Variants in DMGDH observed in about 807,000 individuals in gnomAD.
DMGDH encodes the protein dimethylglycine dehydrogenase, also known as dimethylglycine dehydrogenase, mitochondrial.
In DMGDH, 76 loss-of-function variants were observed where a neutral mutation model predicts 95.2. That is an observed-to-expected ratio of 0.80 (90% CI 0.66 to 0.97). The LOEUF (loss-of-function observed/expected upper bound fraction) is 0.97, where lower values mean the gene tolerates loss of function less well. Ranked by LOEUF, DMGDH falls within the 50% of genes least tolerant of loss-of-function variation. DMGDH has a pLI of 0.00. For synonymous variants in DMGDH, 345 were observed against 377.6 expected, an observed-to-expected ratio of 0.91 and a Z score of 1.00; for missense variants, 987 against 1,055.0, an observed-to-expected ratio of 0.94 and a Z score of 0.89.
chr5:79,023,499 A>G (rs1385734431), intron 14 of DMGDH, among the ~76,000 whole-genome samples: 2 of 152,176 alleles, frequency 1.3e-5, no homozygotes, highest in Admixed American at 1.3e-4. Flanking sequence ...CTCAAACCTT[A>G]GATGCATCAG....
At chr5:79,047,934 A>T (rs1754729317) in intron 5 of DMGDH, among the ~76,000 whole-genome samples, 1 of 152,080 alleles carries the variant, frequency 6.6e-6, no homozygotes, top group Non-Finnish European at 1.5e-5. Flanking sequence ...ATTCTTACTC[A>T]CACTAGCTTG....
chr5:79,012,724 CT>C (rs539088601), intron 14 of DMGDH, among the ~76,000 whole-genome samples: 110 of 152,368 alleles, frequency 7.2e-4, no homozygotes, highest in African/African-American at 2.6e-3. Context: ...GCTGCCAAGG[CT>C]TATGGCTTGC....
intron 6 of DMGDH, 85 bp downstream of exon 6, chr5:79,044,219 G>T (rs574537036): frequency 1.2e-4 from 189 of 1,587,884 alleles, no homozygotes; most frequent in Non-Finnish European, 1.5e-4. Context: ...TTATGTTGTT[G>T]TCTTATTCTA....
chr5:79,054,826 C>G (rs1183311875), intron 3 of DMGDH, among the ~76,000 whole-genome samples: 1 of 152,154 alleles, frequency 6.6e-6, no homozygotes, highest in Non-Finnish European at 1.5e-5. Context: ...TTCAGTTTGC[C>G]AAGCACTCAG....
chr5:79,026,561 A>G lies in DMGDH; in HGVS notation c.2053T>C (p.Tyr685His), dbSNP rs1322467595. 6.2e-7 allele frequency: 1 copy of G among 1,614,124 alleles called. No homozygotes were observed. Among genetic ancestry groups the G allele is most frequent in the Non-Finnish European group, 8.5e-7 (1 of 1,180,014 alleles). ...SYTGELGWEL[Y>H]HRREDSVALY... ...GCCACAGAATCTTCTCTTCTGTGATACAGCTCCCAACCCAGCTCACCTGAA... is the reference window on the plus strand; with the variant it reads ...GCCACAGAATCTTCTCTTCTGTGATGCAGCTCCCAACCCAGCTCACCTGAA... Residue 685 changes from tyrosine to histidine, a missense_variant, in exon 13 of 16, where the codon TAT (tyrosine) becomes CAT (histidine). By Grantham distance (83) the Tyr-to-His change is moderately conservative. Transcript: ENST00000255189.
intron 14 of DMGDH, among the ~76,000 whole-genome samples, chr5:79,019,377 T>C (rs1350044325): frequency 6.6e-6 from 1 of 152,132 alleles, no homozygotes; most frequent in Non-Finnish European, 1.5e-5. Flanking sequence ...CACATGTTTT[T>C]CTACTTTCCT....
chr5:79,065,422 G>A (rs902439473), intron 1 of DMGDH, among the ~76,000 whole-genome samples: 2 of 151,760 alleles, frequency 1.3e-5, no homozygotes, highest in East Asian at 3.9e-4. Flanking sequence ...ATGTTGGCCA[G>A]GCTGGTCTTA....
intron 14 of DMGDH, among the ~76,000 whole-genome samples, chr5:79,006,443 C>T (rs377087669): frequency 2.6e-5 from 4 of 152,244 alleles, no homozygotes; most frequent in African/African-American, 7.2e-5. Context: ...TGAGAGTGAG[C>T]GCCCTGGAGG....
chr5:79,000,053 C>A (rs1236203249), intron 15 of DMGDH: 1 of 331,994 alleles, frequency 3.0e-6, no homozygotes, highest in Non-Finnish European at 5.8e-6. Flanking sequence ...TCACCTCAGC[C>A]CATAACTGCA....
At chr5:79,024,751 G>A (rs1354807009) in intron 13 of DMGDH, among the ~76,000 whole-genome samples, 25 of 152,122 alleles carry the variant, frequency 1.6e-4, no homozygotes, top group Non-Finnish European at 4.4e-5. Flanking sequence ...GCAGATAGTA[G>A]GAAGGTGGCT....
intron 14 of DMGDH, among the ~76,000 whole-genome samples, chr5:79,022,114 A>G (rs1007689438): frequency 5.9e-5 from 9 of 152,272 alleles, no homozygotes; most frequent in African/African-American, 2.2e-4. Context: ...AGGGAAAGAA[A>G]TAACTGATTT....
intron 2 of DMGDH, 70 bp from the exon 3 acceptor site, chr5:79,055,978 T>C (rs1416725470): frequency 9.5e-7 from 1 of 1,050,960 alleles, no homozygotes; most frequent in African/African-American, 1.6e-5. Context: ...AGTTTATCTG[T>C]TAAGCAATAA....
intron 12 of DMGDH, among the ~76,000 whole-genome samples, chr5:79,027,840 C>CTTT (rs771037679): frequency 2.5e-4 from 27 of 109,456 alleles, no homozygotes; most frequent in Admixed American, 2.5e-4. Context: ...CCCCACTTTT[C>CTTT]TTTTTTTTTT....
Position 79,030,904 on chromosome 5 carries a change from CA to C in DMGDH, c.1611del (p.Phe537LeufsTer31). 6.2e-7 allele frequency: 1 copy of C among 1,614,100 alleles called. No individual in the cohort carries two copies. Among genetic ancestry groups the C allele is most frequent in the Non-Finnish European group, 8.5e-7 (1 of 1,180,006 alleles). ...QRVAVTDLSP[F>X]GKFNIKGQDS... is the part of the protein sequence containing the mutation. ...TCTTGGCCTTTGATGTTAAACTTGC[CA>C]AATGGTGATAGGTCAGTTACCGCTA... On this transcript the variant is annotated frameshift_variant, in exon 10 of 16. Transcript: ENST00000255189. LOFTEE classifies it high-confidence loss of function.
intron 14 of DMGDH, among the ~76,000 whole-genome samples, chr5:79,012,862 A>G (rs1406906118): frequency 1.3e-5 from 2 of 152,202 alleles, no homozygotes; most frequent in African/African-American, 4.8e-5. Context: ...GGCCTGGCCC[A>G]CAAAACATTC....
intron 2 of DMGDH, among the ~76,000 whole-genome samples, chr5:79,062,989 G>A (rs1248365496): frequency 6.6e-6 from 1 of 152,104 alleles, no homozygotes; most frequent in Non-Finnish European, 1.5e-5. Flanking sequence ...CTACTCGGAA[G>A]GCTGAGGCAA....
intron 2 of DMGDH, among the ~76,000 whole-genome samples, chr5:79,060,954 G>T (rs1456170605): frequency 6.6e-6 from 1 of 151,480 alleles, no homozygotes; most frequent in African/African-American, 2.4e-5. Context: ...AGGCTTAGTG[G>T]CTCAAGCCTA....
intron 4 of DMGDH, among the ~76,000 whole-genome samples, chr5:79,052,940 C>T (rs1754911083): frequency 6.6e-6 from 1 of 152,102 alleles, no homozygotes; most frequent in Non-Finnish European, 1.5e-5. Context: ...TGGTCACCAG[C>T]AGGGAAATAA....
At chr5:79,067,332 A>T (rs1027616691) in intron 1 of DMGDH, among the ~76,000 whole-genome samples, 1 of 152,256 alleles carries the variant, frequency 6.6e-6, no homozygotes, top group East Asian at 1.9e-4. Flanking sequence ...ATTTTTAAAC[A>T]GACTGGGCAT....
Sources: allele counts gnomAD v4.1 joint callset (sites outside exome capture counted in the v4.1 genomes callset), GRCh38; gene constraint gnomAD v4.1.1; transcripts MANE v1.5; gene names NCBI Gene and HGNC (gene_info 2026-07-23, HGNC 2026-07-21).